Variants in COL22A1 observed in about 807,000 individuals in gnomAD.
COL22A1 encodes collagen alpha-1(XXII) chain.
In COL22A1, 221 loss-of-function variants were observed where a neutral mutation model predicts 248.9. That is an observed-to-expected ratio of 0.89 (90% CI 0.80 to 0.99). The LOEUF (loss-of-function observed/expected upper bound fraction) is 0.99. Among genes scored for constraint, COL22A1 ranks in the 50% least tolerant of loss-of-function variants. COL22A1 has a pLI of 0.00. For missense variants in COL22A1, 2,240 were observed against 2,179.0 expected, an observed-to-expected ratio of 1.03 and a Z score of -0.56; for synonymous variants, 891 against 793.4, an observed-to-expected ratio of 1.12 and a Z score of -2.07.
intron 7 of COL22A1, among the ~76,000 whole-genome samples, chr8:138,819,112 T>G (rs905199494): frequency 2.6e-4 from 40 of 152,222 alleles, no homozygotes; most frequent in African/African-American, 9.6e-4. Context: ...ACAGGGTTTT[T>G]GATGATTTAT....
intron 15 of COL22A1, among the ~76,000 whole-genome samples, chr8:138,777,142 T>A (rs1469144500): frequency 6.6e-6 from 1 of 152,150 alleles, no homozygotes; most frequent in Non-Finnish European, 1.5e-5. Flanking sequence ...TTCTCTCCTT[T>A]CTTGGAGAAG....
chr8:138,591,508 A>T lies in COL22A1; in HGVS notation c.4616-7T>A, dbSNP rs200315787. On this transcript the variant is annotated splice_polypyrimidine_tract_variant and splice_region_variant and intron_variant, in intron 63 of 64. Transcript: ENST00000303045. ...CCTTTGGCTCCTCGCTCACCTGGGA[A>T]GAAAAACATGCACTTTTGATGGTGG... 16 of 1,533,568 alleles carry T rather than the reference A, an allele frequency of 1.0e-5. No individual in the cohort carries two copies. The highest frequency in any genetic ancestry group is 1.4e-5 in the Non-Finnish European group (16 of 1,136,512). 95.0% of individuals were successfully genotyped at this position (1,533,568 alleles called of 1,614,324 possible).
chr8:138,606,983 A>G (rs563472968), intron 57 of COL22A1, among the ~76,000 whole-genome samples: 1 of 152,168 alleles, frequency 6.6e-6, no homozygotes, highest in Non-Finnish European at 1.5e-5. Flanking sequence ...ACAAGCAGCA[A>G]CAGGTCCCAT....
intron 3 of COL22A1, among the ~76,000 whole-genome samples, chr8:138,870,090 G>T (rs748443997): frequency 6.6e-6 from 1 of 151,990 alleles, no homozygotes; most frequent in Non-Finnish European, 1.5e-5. Flanking sequence ...TGTGATGTGT[G>T]TGCATGTGGT....
chr8:138,704,194 G>C (rs979027645), intron 30 of COL22A1, among the ~76,000 whole-genome samples: 3 of 152,180 alleles, frequency 2.0e-5, no homozygotes, highest in Non-Finnish European at 4.4e-5. Context: ...CTCCACCTCT[G>C]GGGGCAGGGC....
intron 56 of COL22A1, among the ~76,000 whole-genome samples, chr8:138,608,951 C>A (rs1226203844): frequency 6.6e-6 from 1 of 152,226 alleles, no homozygotes; most frequent in Non-Finnish European, 1.5e-5. Context: ...GCCAGACACA[C>A]AGGAGGTTTC....
At chr8:138,749,214 T>G (rs1273873369) in intron 22 of COL22A1, among the ~76,000 whole-genome samples, 1 of 152,172 alleles carries the variant, frequency 6.6e-6, no homozygotes, top group Non-Finnish European at 1.5e-5. Context: ...CTCTTTTCCT[T>G]TATAAATTAC....
chr8:138,610,779 TC>T (rs1424739118), intron 56 of COL22A1, among the ~76,000 whole-genome samples: 2 of 152,204 alleles, frequency 1.3e-5, no homozygotes, highest in Non-Finnish European at 2.9e-5. Flanking sequence ...AATGCCACTT[TC>T]CAGCCAACCA....
At position 138,826,711 on chromosome 8, in the gene COL22A1, G is replaced by T. The variant is rs57718799; in HGVS notation, c.916C>A (p.Arg306=). 2.1e-4 allele frequency: 345 copies of T among 1,614,010 alleles called. No individual in the cohort carries two copies. The African/African-American group carries it at 4.0e-3, about 19-fold the overall frequency. The change falls in exon 6 of 65, where the codon CGG becomes AGG. Residue 306 remains arginine (R), a synonymous_variant. Coordinates refer to ENST00000303045, the MANE Select transcript of COL22A1 (RefSeq NM_152888.3). Reference sequence around the variant, plus strand: ...TGCCAGATATACCAGTCTTCCTTCCGAGAGGTTTTCCTGAACCGGAAGGTT... The same window carrying T: ...TGCCAGATATACCAGTCTTCCTTCCTAGAGGTTTTCCTGAACCGGAAGGTT... The part of the protein sequence containing the change: ...VTTFRFRKTS[R]KEDWYIWQVI...
intron 1 of COL22A1, among the ~76,000 whole-genome samples, chr8:138,900,415 C>T (rs1338676078): frequency 6.6e-6 from 1 of 152,228 alleles, no homozygotes; most frequent in Non-Finnish European, 1.5e-5. Flanking sequence ...CAGAAGGATT[C>T]AGATGACTGG....
chr8:138,873,860 T>A (rs562584448), intron 3 of COL22A1, among the ~76,000 whole-genome samples: 2 of 152,316 alleles, frequency 1.3e-5, no homozygotes, highest in East Asian at 3.9e-4. Context: ...GGTTATTGAA[T>A]GAATGAGTGA....
intron 56 of COL22A1, among the ~76,000 whole-genome samples, chr8:138,608,579 T>C (rs190358256): frequency 6.6e-6 from 1 of 152,366 alleles, no homozygotes; most frequent in Admixed American, 6.5e-5. Flanking sequence ...CTTCCAAGTC[T>C]AATTTTCTCT....
intron 42 of COL22A1, among the ~76,000 whole-genome samples, chr8:138,662,957 A>G (rs1824104878): frequency 6.7e-6 from 1 of 148,956 alleles, no homozygotes. Flanking sequence ...CGGAGATTGC[A>G]GTGAGCCAAG....
intron 63 of COL22A1, 108 bp from the exon 64 acceptor site, chr8:138,591,609 T>G: frequency 1.3e-6 from 1 of 767,120 alleles, no homozygotes; most frequent in Non-Finnish European, 1.9e-6. Context: ...TGCTGTGGCA[T>G]TCCAGTCTAA....
Position 138,878,179 on chromosome 8 carries a change from C to T in COL22A1, c.229G>A (p.Val77Met). 6.2e-7 allele frequency: 1 copy of T among 1,603,428 alleles called. No homozygotes were observed. Among genetic ancestry groups the T allele is most frequent in the Non-Finnish European group, 8.5e-7 (1 of 1,175,848 alleles). Reference protein sequence around the residue: ...TFEVGPDRTRVGVVRYSDRPT... With the variant: ...TFEVGPDRTRMGVVRYSDRPT... ...CGGTCGCTGTAGCGCACGACCCCCA[C>T]ACGGGTGCGGTCGGGGCCCACCTCG... The change falls in exon 3 of 65, where the codon GTG (valine) becomes ATG (methionine). Residue 77 changes from valine to methionine, a missense_variant. Val to Met is a conservative substitution (Grantham distance 21). Transcript: ENST00000303045.
chr8:138,693,038 C>A (rs996678804), intron 35 of COL22A1, among the ~76,000 whole-genome samples: 1 of 152,146 alleles, frequency 6.6e-6, no homozygotes, highest in Non-Finnish European at 1.5e-5. Context: ...TAAGTCAGCC[C>A]GTCCTGCCTT....
At chr8:138,892,271 C>A (rs953398633) in intron 1 of COL22A1, among the ~76,000 whole-genome samples, 1 of 152,116 alleles carries the variant, frequency 6.6e-6, no homozygotes, top group African/African-American at 2.4e-5. Flanking sequence ...GTGAGGAAGC[C>A]CTGGTATGGA....
chr8:138,846,201 G>C (rs1821232386), intron 3 of COL22A1, among the ~76,000 whole-genome samples: 1 of 152,188 alleles, frequency 6.6e-6, no homozygotes, highest in East Asian at 1.9e-4. Context: ...CAGCTGTGGG[G>C]TGACGATCAA....
intron 6 of COL22A1, among the ~76,000 whole-genome samples, chr8:138,823,131 C>T (rs1023318497): frequency 9.9e-5 from 15 of 152,170 alleles, no homozygotes; most frequent in African/African-American, 3.4e-4. Context: ...CTACAGCTTC[C>T]TCATTTGTAA....
Sources: gnomAD v4.1 joint callset for allele counts (sites outside exome capture counted in the v4.1 genomes callset) on GRCh38, gnomAD v4.1.1 for gene constraint, MANE v1.5 for transcripts, NCBI Gene and HGNC (gene_info 2026-07-23, HGNC 2026-07-21) for gene names.